The following GRAMD1B variants were observed in gnomAD, a reference collection of about 807,000 sequenced individuals.
The protein encoded by GRAMD1B is GRAM domain containing 1B, also known as protein Aster-B.
A neutral mutation model predicts 99.7 loss-of-function variants in GRAMD1B; 37 were observed. The observed-to-expected ratio is 0.37, with a 90% CI of 0.29 to 0.49. GRAMD1B has a LOEUF of 0.49. GRAMD1B is among the 20% of genes least tolerant of loss of function. The probability of loss-of-function intolerance (pLI) is 0.98; values close to 1 mark genes in which losing one functional copy is unlikely to be tolerated. For missense variants in GRAMD1B, 888 were observed against 1,009.2 expected, an observed-to-expected ratio of 0.88 and a Z score of 1.63; for synonymous variants, 427 against 387.6, an observed-to-expected ratio of 1.10 and a Z score of -1.19.
intron 2 of GRAMD1B, among the ~76,000 whole-genome samples, chr11:123,506,430 T>TATA (rs1940436117): frequency 6.6e-6 from 1 of 151,880 alleles, no homozygotes; most frequent in African/African-American, 2.4e-5. Flanking sequence ...TAACTTAGTG[T>TATA]ATAAGTACAG....
At chr11:123,485,176 T>A (rs2134915146) in intron 2 of GRAMD1B, among the ~76,000 whole-genome samples, 1 of 152,346 alleles carries the variant, frequency 6.6e-6, no homozygotes, top group East Asian at 1.9e-4. Flanking sequence ...TCTTCTAATT[T>A]TCCAAACCAT....
chr11:123,560,288 A>T (rs1946592655), intron 2 of GRAMD1B: 5 of 1,136,774 alleles, frequency 4.4e-6, no homozygotes, highest in Non-Finnish European at 3.3e-6. Context: ...TCTGTGAGGG[A>T]GTCAGAGGGA....
At chr11:123,583,395 C>CGTGT (rs754520823) in intron 3 of GRAMD1B, among the ~76,000 whole-genome samples, 128 of 81,160 alleles carry the variant, frequency 1.6e-3, no homozygotes, top group Middle Eastern at 5.7e-3. Context: ...TGTATGTGTG[C>CGTGT]GTGTGTGTGT....
chr11:123,606,682 A>C lies in GRAMD1B; in HGVS notation c.1397A>C (p.Asn466Thr), dbSNP rs114469707. 1.9e-6 allele frequency: 3 copies of C among 1,613,402 alleles called. No homozygotes were observed. The Admixed American group carries it at 5.0e-5, about 27-fold the overall frequency. Residue 466 changes from asparagine to threonine, a missense_variant, in exon 11 of 20, where the codon AAC becomes ACC. By Grantham distance (65) the Asn-to-Thr change is moderately conservative. Coordinates refer to ENST00000635736, the MANE Select transcript of GRAMD1B (RefSeq NM_001387025.1). ...CTGGAAAAGGAGCTCGCCATTGACA[A>C]CATCATGGGGGAGAAGATTGAGATG... ...GSLEKELAID[N>T]IMGEKIEMIA...
intron 1 of GRAMD1B, among the ~76,000 whole-genome samples, chr11:123,441,333 T>C (rs1255743734): frequency 6.6e-6 from 1 of 152,028 alleles, no homozygotes; most frequent in Non-Finnish European, 1.5e-5. Context: ...CCTCCTACAC[T>C]AGAGACAAAA....
At chr11:123,566,426 C>T (rs889702397) in intron 2 of GRAMD1B, among the ~76,000 whole-genome samples, 1 of 152,202 alleles carries the variant, frequency 6.6e-6, no homozygotes, top group African/African-American at 2.4e-5. Context: ...TTTAGAAAGA[C>T]ATGTCTATCA....
At chr11:123,451,482 G>T (rs561717126) in intron 1 of GRAMD1B, among the ~76,000 whole-genome samples, 2 of 152,298 alleles carry the variant, frequency 1.3e-5, no homozygotes, top group African/African-American at 2.4e-5. Flanking sequence ...TACGTGTGTT[G>T]TATCTGACAT....
rs1591931341 is a variant in GRAMD1B, at chr11:123,546,978, A to T, written c.453-30389A>T. ...AGGGCCTCAGTGGATTGAGAGACAC[A>T]ACCTGTCAACCTGTCTTGAGAGAAG... On this transcript the variant is annotated intron_variant, in intron 2 of 19. Coordinates refer to ENST00000635736, the MANE Select transcript of GRAMD1B (RefSeq NM_001387025.1). Among the ~76,000 whole-genome samples the T allele has an allele frequency of 2.6e-5, 4 of 152,314 alleles. No individual in the cohort carries two copies. In the East Asian group the frequency reaches 7.7e-4, roughly 29 times the overall value.
intron 2 of GRAMD1B, among the ~76,000 whole-genome samples, chr11:123,562,232 C>A (rs773404572): frequency 6.6e-6 from 1 of 152,114 alleles, no homozygotes; most frequent in Non-Finnish European, 1.5e-5. Context: ...CCTCCCACAC[C>A]CCCTCCCTGC....
At chr11:123,433,675 C>CGT (rs927654271) in intron 1 of GRAMD1B, among the ~76,000 whole-genome samples, 6 of 97,002 alleles carry the variant, frequency 6.2e-5, no homozygotes, top group Admixed American at 5.0e-4. Flanking sequence ...TAAAATGTTA[C>CGT]GTGCGTGTGT....
chr11:123,535,696 A>C (rs534802388), intron 2 of GRAMD1B, among the ~76,000 whole-genome samples: 173 of 152,306 alleles, frequency 1.1e-3, no homozygotes, highest in Non-Finnish European at 2.1e-3. Flanking sequence ...TATATCATGC[A>C]TACACAAAAA....
intron 1 of GRAMD1B, among the ~76,000 whole-genome samples, chr11:123,373,098 C>T (rs962181949): frequency 9.9e-5 from 15 of 152,236 alleles, no homozygotes; most frequent in Middle Eastern, 3.4e-3. Flanking sequence ...GAGATCGTGC[C>T]ACTGCAATCC....
intron 2 of GRAMD1B, among the ~76,000 whole-genome samples, chr11:123,519,869 G>A (rs1425749953): frequency 1.3e-5 from 2 of 152,332 alleles, no homozygotes; most frequent in Admixed American, 6.5e-5. Flanking sequence ...CAGGAGGGCC[G>A]AATTCTCCCT....
intron 2 of GRAMD1B, among the ~76,000 whole-genome samples, chr11:123,520,776 C>CA (rs11219185): frequency 0.28 from 29,170 of 103,486 alleles, 3,925 homozygotes; most frequent in African/African-American, 0.38. Flanking sequence ...GAGACCCTGT[C>CA]AAAAAAAAAA....
At chr11:123,575,695 C>G (rs1245832070) in intron 2 of GRAMD1B, among the ~76,000 whole-genome samples, 1 of 152,118 alleles carries the variant, frequency 6.6e-6, no homozygotes, top group Non-Finnish European at 1.5e-5. Flanking sequence ...CATGGATCTG[C>G]CTGCCACCAG....
rs1938736322 is a variant in GRAMD1B, at chr11:123,492,869, C to T, written c.452+11976C>T. Among the ~76,000 whole-genome samples, 1 of 149,892 alleles carries T rather than the reference C, an allele frequency of 6.7e-6. No homozygotes were observed. The highest frequency in any genetic ancestry group is 6.6e-5 in the Admixed American group (1 of 15,044). ...TCTGTCTCTCTCTTTCACACATACA[C>T]ACACACACACACACACACACACACA... is the stretch of plus-strand genomic sequence containing the variant. On this transcript the variant is annotated intron_variant, in intron 2 of 19. Coordinates refer to ENST00000635736, the MANE Select transcript of GRAMD1B (RefSeq NM_001387025.1). This position sits in a 1 kb window ranked among gnomAD's most constrained non-coding sequence, Gnocchi z 4.2.
chr11:123,449,619 G>A (rs1949790267), intron 1 of GRAMD1B, among the ~76,000 whole-genome samples: 1 of 151,880 alleles, frequency 6.6e-6, no homozygotes, highest in Non-Finnish European at 1.5e-5. Flanking sequence ...ATATCACCCA[G>A]GGTGGAGATT....
Position 123,610,640 on chromosome 11 carries a change from A to G in GRAMD1B, c.1919+302A>G, listed in dbSNP as rs1401212881. On this transcript the variant is annotated intron_variant, in intron 14 of 19. Transcript: ENST00000635736. This position sits in a 1 kb window ranked among gnomAD's most constrained non-coding sequence, Gnocchi z 4.1. ...TCACTGGAGTCTTTAGAACGACTCA[A>G]AGAGGTGGATTTATCTTCATTTTTC... is the stretch of plus-strand genomic sequence containing the variant. Among the ~76,000 whole-genome samples the G allele has an allele frequency of 1.3e-5, 2 of 152,254 alleles. No individual in the cohort carries two copies. Among genetic ancestry groups the G allele is most frequent in the Non-Finnish European group, 2.9e-5 (2 of 68,046 alleles).
At chr11:123,375,023 T>G (rs1946647054) in intron 1 of GRAMD1B, among the ~76,000 whole-genome samples, 1 of 152,190 alleles carries the variant, frequency 6.6e-6, no homozygotes, top group Non-Finnish European at 1.5e-5. Context: ...TTACTAAAAA[T>G]CTTTTATTGA....
Sources: allele counts gnomAD v4.1 joint callset (sites outside exome capture counted in the v4.1 genomes callset), GRCh38; gene constraint gnomAD v4.1.1; non-coding constraint Gnocchi (gnomAD v3.1); transcripts MANE v1.5; gene names NCBI Gene and HGNC (gene_info 2026-07-23, HGNC 2026-07-21).